SNTB2: variants seen among roughly 807,000 people sequenced by gnomAD.
The protein encoded by SNTB2 is beta-2-syntrophin.
SNTB2 carries 34 observed loss-of-function variants against 46.2 expected under a neutral mutation model. That is an observed-to-expected ratio of 0.74 (90% confidence interval 0.56 to 0.98). The LOEUF is 0.98. Ranked by LOEUF, SNTB2 falls within the 50% of genes least tolerant of loss-of-function variation. The pLI is 0.00. For missense variants in SNTB2, 603 were observed against 731.4 expected, an observed-to-expected ratio of 0.82 and a Z score of 2.02; for synonymous variants, 290 against 312.6, an observed-to-expected ratio of 0.93 and a Z score of 0.76.
chr16:69,255,278 G>A (rs1964762172), intron 2 of SNTB2, among the ~76,000 whole-genome samples: 1 of 151,622 alleles, frequency 6.6e-6, no homozygotes, highest in African/African-American at 2.4e-5. Flanking sequence ...AAAAAAATTT[G>A]AGGGCCGTGC....
At chr16:69,252,577 A>G (rs1964736872) in intron 2 of SNTB2, among the ~76,000 whole-genome samples, 1 of 152,232 alleles carries the variant, frequency 6.6e-6, no homozygotes, top group Admixed American at 6.5e-5. Flanking sequence ...TATAATGTGT[A>G]CAATTATATG....
chr16:69,260,023 CTTT>C lies in SNTB2; in HGVS notation c.795-17_795-15del. 3 of 1,198,078 alleles carry C rather than the reference CTTT, an allele frequency of 2.5e-6. No homozygotes were observed. The highest frequency in any genetic ancestry group is 3.5e-6 in the Non-Finnish European group (3 of 851,126). 74.2% of individuals were successfully genotyped at this position (1,198,078 alleles called of 1,614,324 possible). A position where few individuals can be genotyped will look rare whatever the true frequency, so the allele number is the denominator to read the frequency against. On this transcript the variant is annotated intron_variant, in intron 2 of 6. Coordinates refer to ENST00000336278, the MANE Select transcript of SNTB2 (RefSeq NM_006750.4). The stretch of plus-strand genomic sequence containing the variant: ...GTTTGGTGACTTCTGTCCTAGCTCA[CTTT>C]TTTTTTTTTCTTTTTCCACACAGAT...
chr16:69,285,354 C>T (rs1171696477), intron 5 of SNTB2, among the ~76,000 whole-genome samples: 1 of 135,958 alleles, frequency 7.4e-6, no homozygotes, highest in Non-Finnish European at 1.6e-5. Context: ...TAGTTCATCT[C>T]TCTTTTTTTT....
intron 5 of SNTB2, among the ~76,000 whole-genome samples, chr16:69,298,512 CTTTTT>C (rs34908270): frequency 3.7e-4 from 29 of 78,122 alleles, no homozygotes; most frequent in African/African-American, 1.4e-3. Flanking sequence ...TTTACCAATT[CTTTTT>C]TTTTTTTTTT....
At chr16:69,280,597 C>CG (rs1344242347) in intron 4 of SNTB2, among the ~76,000 whole-genome samples, 1 of 140,746 alleles carries the variant, frequency 7.1e-6, no homozygotes, top group African/African-American at 2.7e-5. Flanking sequence ...GGCTGAACCC[C>CG]CCACCTCCCT....
chr16:69,194,712 G>A (rs1014551276), intron 1 of SNTB2, among the ~76,000 whole-genome samples: 2 of 152,096 alleles, frequency 1.3e-5, no homozygotes, highest in Non-Finnish European at 2.9e-5. Flanking sequence ...GCCTATATCA[G>A]GTCACCTCAG....
intron 1 of SNTB2, among the ~76,000 whole-genome samples, chr16:69,234,011 CTCTG>C (rs1445639271): frequency 6.6e-6 from 1 of 151,636 alleles, no homozygotes; most frequent in East Asian, 1.9e-4. Context: ...CAAAGTGAGA[CTCTG>C]TCTCTTTTAA....
chr16:69,234,744 C>T (rs545862630), intron 1 of SNTB2, among the ~76,000 whole-genome samples: 3 of 150,996 alleles, frequency 2.0e-5, no homozygotes, highest in Non-Finnish European at 2.9e-5. Flanking sequence ...ACTCTGTCAC[C>T]TAGGCTGGAG....
At chr16:69,193,911 CT>C (rs1235129768) in intron 1 of SNTB2, among the ~76,000 whole-genome samples, 4 of 152,194 alleles carry the variant, frequency 2.6e-5, no homozygotes, top group Admixed American at 6.5e-5. Flanking sequence ...CTGAGAATGT[CT>C]TTTGCAACAG....
intron 3 of SNTB2, among the ~76,000 whole-genome samples, chr16:69,265,634 C>T (rs1964876487): frequency 6.6e-6 from 1 of 151,864 alleles, no homozygotes; most frequent in Non-Finnish European, 1.5e-5. Context: ...TGAGACCAGC[C>T]TGGCCAGCAT....
In SNTB2 at chr16:69,247,070, T is replaced by TA. The variant is rs368384171; in HGVS notation, c.794+1267dup. On this transcript the variant is annotated intron_variant, in intron 2 of 6. Coordinates refer to ENST00000336278, the MANE Select transcript of SNTB2 (RefSeq NM_006750.4). ...TAATAAAAAAAATATATATATATATTAAAAAAAAAAAAGAAGTCTTGTTAA... is the reference window on the plus strand; with the variant it reads ...TAATAAAAAAAATATATATATATATTAAAAAAAAAAAAAGAAGTCTTGTTAA... 3.0e-3 allele frequency among the ~76,000 whole-genome samples: 427 copies of TA among 143,082 alleles called. 1 individual carries two copies. Among genetic ancestry groups the TA allele is most frequent in the African/African-American group, 9.6e-3 (379 of 39,488 alleles). The allele number at this position is 143,082 out of a possible 152,430, so 93.9% of individuals were successfully genotyped here. A position where few individuals can be genotyped will look rare whatever the true frequency, so the allele number is the denominator to read the frequency against.
At chr16:69,232,451 C>T (rs1964515568) in intron 1 of SNTB2, among the ~76,000 whole-genome samples, 1 of 149,682 alleles carries the variant, frequency 6.7e-6, no homozygotes, top group Admixed American at 6.7e-5. Context: ...GTGATCTGCC[C>T]GCCTCAGCCT....
intron 1 of SNTB2, among the ~76,000 whole-genome samples, chr16:69,212,843 G>A (rs1001690002): frequency 1.3e-5 from 2 of 149,106 alleles, no homozygotes; most frequent in African/African-American, 5.0e-5. Context: ...ATGTTGATCA[G>A]GCTGGTTTTG....
chr16:69,226,015 G>A (rs1160238775), intron 1 of SNTB2, among the ~76,000 whole-genome samples: 3 of 151,798 alleles, frequency 2.0e-5, no homozygotes, highest in South Asian at 2.1e-4. Flanking sequence ...TGATCTGCCC[G>A]CCTCGGCCTC....
intron 1 of SNTB2, among the ~76,000 whole-genome samples, chr16:69,243,582 T>G (rs1223953272): frequency 6.6e-6 from 1 of 152,238 alleles, no homozygotes; most frequent in Non-Finnish European, 1.5e-5. Context: ...TGTCTTTAAT[T>G]TCCTCCAGTT....
At chr16:69,283,551 A>G (rs1965070697) in intron 4 of SNTB2, among the ~76,000 whole-genome samples, 1 of 152,194 alleles carries the variant, frequency 6.6e-6, no homozygotes, top group South Asian at 2.1e-4. Flanking sequence ...AAATATATAT[A>G]TTTTAAGCTC....
At chr16:69,193,317 A>ATT (rs1964072184) in intron 1 of SNTB2, among the ~76,000 whole-genome samples, 4 of 99,646 alleles carry the variant, frequency 4.0e-5, no homozygotes, top group African/African-American at 1.5e-4. Flanking sequence ...GATGGTATAG[A>ATT]CTTTTTTTTT....
chr16:69,270,220 C>A lies in SNTB2; in HGVS notation c.1083C>A (p.Asp361Glu). The A allele has an allele frequency of 6.2e-7, 1 of 1,614,140 alleles. No individual in the cohort carries two copies. Among genetic ancestry groups the A allele is most frequent in the Non-Finnish European group, 8.5e-7 (1 of 1,180,034 alleles). Residue 361 changes from aspartate (D) to glutamate (E), a missense_variant, in exon 4 of 7, where the codon GAC (aspartate) becomes GAA (glutamate). Asp to Glu is a conservative substitution (Grantham distance 45, BLOSUM62 2). Around this residue, in one of 2 missense-constraint regions of SNTB2, gnomAD observed 537 missense variants for 692.4 expected, o/e 0.78. Transcript: ENST00000336278. ...CTGAGAAGGATTTGCTGCTCTATGA[C>A]TGTATGCCGTGGACAAGAGATGCCT... ...AVTEKDLLLY[D>E]CMPWTRDAWA... is the part of the protein sequence containing the mutation.
chr16:69,234,914 G>C (rs1220715475), intron 1 of SNTB2, among the ~76,000 whole-genome samples: 1 of 151,840 alleles, frequency 6.6e-6, no homozygotes, highest in Non-Finnish European at 1.5e-5. Flanking sequence ...TGTTGGCCAG[G>C]CTGGTCTCGA....
Sources: gnomAD v4.1 joint callset for allele counts (sites outside exome capture counted in the v4.1 genomes callset) on GRCh38, gnomAD v4.1.1 for gene constraint, gnomAD v4.1.1 regional missense constraint, MANE v1.5 for transcripts, NCBI Gene and HGNC (gene_info 2026-07-23, HGNC 2026-07-21) for gene names.